The following VWA8 variants were observed in gnomAD, a reference collection of about 807,000 sequenced individuals.
The protein encoded by VWA8 is von Willebrand factor A domain-containing protein 8.
Under a neutral mutation model 241.5 loss-of-function variants are expected in VWA8, and 221 were observed. The observed-to-expected ratio is 0.91, with a 90% confidence interval of 0.82 to 1.02. The LOEUF (loss-of-function observed/expected upper bound fraction) is 1.02, where lower values mean the gene tolerates loss of function less well. VWA8 is among the 50% of genes least tolerant of loss of function. The pLI is 0.00. For missense variants in VWA8, 2,322 were observed against 2,328.7 expected (o/e 1.00, Z 0.06); for synonymous variants, 852 against 827.1 (o/e 1.03, Z -0.52).
chr13:41,648,596 C>G (rs2044848214), intron 37 of VWA8, among the ~76,000 whole-genome samples: 1 of 152,174 alleles, frequency 6.6e-6, no homozygotes, highest in Non-Finnish European at 1.5e-5. Flanking sequence ...TATAAAAGGT[C>G]CTGAACAATA....
At position 41,729,695 on chromosome 13, in the gene VWA8, T is replaced by G. The variant is rs367970012; in HGVS notation, c.2503-18A>C. 100 of 1,600,384 alleles carry G rather than the reference T, an allele frequency of 6.2e-5. No individual in the cohort carries two copies. Among genetic ancestry groups the G allele is most frequent in the Non-Finnish European group, 7.9e-5 (93 of 1,175,746 alleles). On this transcript the variant is annotated intron_variant, in intron 22 of 44. Transcript: ENST00000379310. ...GCTTTAACCTTTGACGACAGAAAAT[T>G]TATCATAAACAATTAAATGAAGACA...
chr13:41,886,720 C>G (rs1874557519), intron 7 of VWA8, 61 bp downstream of exon 7: 1 of 1,345,772 alleles, frequency 7.4e-7, no homozygotes, highest in East Asian at 2.4e-5. Flanking sequence ...ATCAATCAAT[C>G]AATGAACAGG....
intron 2 of VWA8, among the ~76,000 whole-genome samples, chr13:41,934,190 A>G (rs1408787461): frequency 6.6e-6 from 1 of 151,766 alleles, no homozygotes; most frequent in Non-Finnish European, 1.5e-5. Flanking sequence ...CAAAAGATAT[A>G]AAGATGATAA....
chr13:41,803,493 A>C (rs940086685), intron 17 of VWA8, among the ~76,000 whole-genome samples: 2 of 152,216 alleles, frequency 1.3e-5, no homozygotes, highest in Non-Finnish European at 2.9e-5. Context: ...TCATGGCAGA[A>C]AGTGAAAGCA....
intron 17 of VWA8, among the ~76,000 whole-genome samples, chr13:41,803,516 C>T (rs1195274267): frequency 6.6e-6 from 1 of 152,176 alleles, no homozygotes; most frequent in Non-Finnish European, 1.5e-5. Flanking sequence ...TCTCACATGG[C>T]AGCAGACAAA....
intron 2 of VWA8, among the ~76,000 whole-genome samples, chr13:41,921,897 C>A (rs571145686): frequency 1.3e-5 from 2 of 152,298 alleles, no homozygotes; most frequent in South Asian, 4.1e-4. Context: ...CTCCATCAAG[C>A]TACCAATGAC....
intron 41 of VWA8, among the ~76,000 whole-genome samples, chr13:41,589,198 C>A (rs2044438776): frequency 6.6e-6 from 1 of 152,170 alleles, no homozygotes; most frequent in Non-Finnish European, 1.5e-5. Context: ...AATATTTCAT[C>A]CTGTCATCAT....
At chr13:41,681,816 G>A (rs1212373099) in intron 35 of VWA8, among the ~76,000 whole-genome samples, 1 of 152,122 alleles carries the variant, frequency 6.6e-6, no homozygotes, top group South Asian at 2.1e-4. Flanking sequence ...GACCTTCTGA[G>A]GAAGTGACAT....
chr13:41,926,652 T>C (rs1876856645), intron 2 of VWA8: 1 of 542,830 alleles, frequency 1.8e-6, no homozygotes, highest in Admixed American at 1.9e-5. Context: ...GAGAAGATGG[T>C]TTCAGGGATG....
chr13:41,770,958 T>C (rs907927889), intron 20 of VWA8, among the ~76,000 whole-genome samples: 5 of 143,082 alleles, frequency 3.5e-5, no homozygotes, highest in Admixed American at 1.4e-4. Flanking sequence ...TATTAGACAA[T>C]AGTCATGTAG....
At chr13:41,796,856 T>C (rs865961694) in intron 17 of VWA8, among the ~76,000 whole-genome samples, 3 of 152,120 alleles carry the variant, frequency 2.0e-5, no homozygotes, top group Non-Finnish European at 2.9e-5. Flanking sequence ...CATAGAGTTG[T>C]TAATATTTCA....
chr13:41,708,734 T>C (rs2045298264), intron 26 of VWA8, among the ~76,000 whole-genome samples: 1 of 152,184 alleles, frequency 6.6e-6, no homozygotes. Flanking sequence ...GATGGAAGAT[T>C]TTGGGAAATT....
At chr13:41,912,892 T>C (rs1018223219) in intron 2 of VWA8, among the ~76,000 whole-genome samples, 2 of 152,202 alleles carry the variant, frequency 1.3e-5, no homozygotes, top group African/African-American at 4.8e-5. Flanking sequence ...TACAATTAGT[T>C]TGGTTTTGCT....
intron 43 of VWA8, among the ~76,000 whole-genome samples, chr13:41,572,783 T>G (rs2044316465): frequency 2.2e-5 from 2 of 92,976 alleles, no homozygotes; most frequent in African/African-American, 4.4e-5. Context: ...CACCCAAGAA[T>G]GATCAATAAA....
chr13:41,913,136 A>G (rs1351825399), intron 2 of VWA8, among the ~76,000 whole-genome samples: 1 of 152,226 alleles, frequency 6.6e-6, no homozygotes, highest in Non-Finnish European at 1.5e-5. Flanking sequence ...GTGAAAAAAA[A>G]TAAGAATAAA....
At chr13:41,770,527 G>A (rs1198517851) in intron 20 of VWA8, among the ~76,000 whole-genome samples, 2 of 151,772 alleles carry the variant, frequency 1.3e-5, no homozygotes, top group African/African-American at 4.8e-5. Flanking sequence ...GGGTGGTTCT[G>A]AGTGTCTCTC....
chr13:41,874,980 T>G (rs1314978129), intron 9 of VWA8, among the ~76,000 whole-genome samples: 1 of 152,126 alleles, frequency 6.6e-6, no homozygotes, highest in Non-Finnish European at 1.5e-5. Flanking sequence ...TTTACTAGAA[T>G]GTAAGCCCCA....
chr13:41,742,219 G>A (rs1218765447), intron 21 of VWA8, among the ~76,000 whole-genome samples: 2 of 152,188 alleles, frequency 1.3e-5, no homozygotes, highest in South Asian at 2.1e-4. Context: ...TTCAGAGACA[G>A]GATTGGAGAA....
rs778420533 is a variant in VWA8, at chr13:41,912,144, A to C, written c.266T>G (p.Val89Gly). 3.7e-6 allele frequency: 6 copies of C among 1,605,532 alleles called. No individual in the cohort carries two copies. In the Admixed American group the frequency reaches 1.0e-4, roughly 27 times the overall value. ...NYISDSLAQS[V>G]VQHLRWIMQK... is the part of the protein sequence containing the mutation. ...CATTATCCATCTTAGATGCTGAACT[A>C]CAGATTGAGCCAGAGAGTCTGAAAC... Residue 89 changes from valine (V) to glycine (G), a missense_variant, in exon 3 of 45, where the codon GTA becomes GGA. Coordinates refer to ENST00000379310, the MANE Select transcript of VWA8 (RefSeq NM_015058.2).
Sources: gnomAD v4.1 joint callset for allele counts (sites outside exome capture counted in the v4.1 genomes callset) on GRCh38, gnomAD v4.1.1 for gene constraint, MANE v1.5 for transcripts, NCBI Gene and HGNC (gene_info 2026-07-23, HGNC 2026-07-21) for gene names.